The following CEP350 variants were observed in gnomAD, a reference collection of about 807,000 sequenced individuals.
CEP350 encodes centrosome-associated protein 350.
In CEP350, 126 loss-of-function variants were observed where a neutral mutation model predicts 331.8. The observed-to-expected ratio is 0.38, with a 90% CI of 0.33 to 0.44. The LOEUF (loss-of-function observed/expected upper bound fraction) is 0.44, where lower values mean the gene tolerates loss of function less well. Ranked by LOEUF, CEP350 falls within the 20% of genes least tolerant of loss-of-function variation. CEP350 has a pLI of 1.00. For missense variants in CEP350, 3,406 were observed against 3,634.6 expected, an observed-to-expected ratio of 0.94 and a Z score of 1.62; for synonymous variants, 1,200 against 1,259.5, an observed-to-expected ratio of 0.95 and a Z score of 1.00.
chr1:180,096,121 A>T lies in CEP350; in HGVS notation c.9003A>T (p.Pro3001=). The T allele has an allele frequency of 6.4e-7, 1 of 1,565,582 alleles. No homozygotes were observed. The part of the protein sequence containing the change: ...PNLNQPVWMK[P]CRINSSYFRR... Reference sequence around the variant, plus strand: ...TAAATCAACCTGTCTGGATGAAGCCATGTAGAATCAACTCTAGTTATTTCC... The same window carrying T: ...TAAATCAACCTGTCTGGATGAAGCCTTGTAGAATCAACTCTAGTTATTTCC... Residue 3001 remains proline (P), a synonymous_variant, in exon 36 of 38, where the codon CCA becomes CCT. Transcript: ENST00000367607.
chr1:180,098,777 T>G (rs1349186787), intron 36 of CEP350, 86 bp from the exon 37 acceptor site: 1 of 1,044,028 alleles, frequency 9.6e-7, no homozygotes, highest in African/African-American at 1.6e-5. Context: ...TATATTCTTA[T>G]CGTGAATCTG....
At position 180,051,697 on chromosome 1, in the gene CEP350, T is replaced by C. The variant is rs537107792; in HGVS notation, c.4793-1273T>C. On this transcript the variant is annotated intron_variant, in intron 22 of 37. Transcript: ENST00000367607. ...CCTGCAATAAATGGATCTAACTGTG[T>C]TACAGATACATGGCATAACAACATT... Among the ~76,000 whole-genome samples, 114 of 152,324 alleles carry C rather than the reference T, an allele frequency of 7.5e-4. 2 individuals carry two copies. The highest frequency in any genetic ancestry group is 2.6e-3 in the African/African-American group (109 of 41,576).
At chr1:180,082,282 A>G (rs1659619904) in intron 30 of CEP350, among the ~76,000 whole-genome samples, 1 of 152,250 alleles carries the variant, frequency 6.6e-6, no homozygotes, top group Non-Finnish European at 1.5e-5. Flanking sequence ...TTCACTACCT[A>G]TTCAAGATGA....
At chr1:179,978,569 CT>C (rs1652049568) in intron 1 of CEP350, among the ~76,000 whole-genome samples, 1 of 152,066 alleles carries the variant, frequency 6.6e-6, no homozygotes, top group African/African-American at 2.4e-5. Flanking sequence ...CTACTAACCT[CT>C]GTTCTACTTT....
At chr1:180,050,122 G>A (rs544279208) in intron 22 of CEP350, among the ~76,000 whole-genome samples, 20 of 152,126 alleles carry the variant, frequency 1.3e-4, no homozygotes, top group Non-Finnish European at 2.5e-4. Flanking sequence ...CCTTAACCTC[G>A]TATGTAGAAG....
intron 11 of CEP350, among the ~76,000 whole-genome samples, chr1:180,017,950 T>G (rs1443333039): frequency 6.6e-6 from 1 of 152,224 alleles, no homozygotes; most frequent in Non-Finnish European, 1.5e-5. Flanking sequence ...ATTTTAGCTG[T>G]TTGTTTGTCA....
chr1:179,987,272 C>G lies in CEP350; in HGVS notation c.106C>G (p.Gln36Glu), dbSNP rs1441672360. Residue 36 changes from glutamine to glutamate, a missense_variant, in exon 3 of 38, where the codon CAA becomes GAA. Transcript: ENST00000367607. ...AACCACATCGTGGGATGCACTTTCTCAAACCAAGGCTGCTGTAAGTAGTTT... is the reference window on the plus strand; with the variant it reads ...AACCACATCGTGGGATGCACTTTCTGAAACCAAGGCTGCTGTAAGTAGTTT... ...DITTSWDALS[Q>E]TKAALRHIEN... 11 of 1,561,334 alleles carry G rather than the reference C, an allele frequency of 7.0e-6. No individual in the cohort carries two copies. Among genetic ancestry groups the G allele is most frequent in the Non-Finnish European group, 9.7e-6 (11 of 1,138,140 alleles).
rs751696185 is a variant in CEP350, at chr1:180,003,245, A to T, written c.1090A>T (p.Met364Leu). 6.2e-7 allele frequency: 1 copy of T among 1,613,202 alleles called. No homozygotes were observed. The highest frequency in any genetic ancestry group is 1.1e-5 in the South Asian group (1 of 90,878). ...KVWQEAEFQN[M>L]SRELYRDLAL... ...GTGGCAGGAGGCTGAGTTTCAAAACATGAGTAGAGAACTGTATCGAGATTT... is the reference window on the plus strand; with the variant it reads ...GTGGCAGGAGGCTGAGTTTCAAAACTTGAGTAGAGAACTGTATCGAGATTT... Residue 364 changes from methionine (M) to leucine (L), a missense_variant, in exon 7 of 38, where the codon ATG (methionine) becomes TTG (leucine). Physicochemically the swap from Met to Leu is conservative, Grantham distance 15 (BLOSUM62 2). Around this residue, in one of 5 missense-constraint regions of CEP350, gnomAD observed 1,857 missense variants for 1,909.2 expected, o/e 0.97. Coordinates refer to ENST00000367607, the MANE Select transcript of CEP350 (RefSeq NM_014810.5).
chr1:180,083,629 A>G (rs1432182670), intron 30 of CEP350, among the ~76,000 whole-genome samples: 1 of 152,250 alleles, frequency 6.6e-6, no homozygotes, highest in African/African-American at 2.4e-5. Context: ...AAGGCAAAAG[A>G]CAGTTAAATA....
intron 37 of CEP350, among the ~76,000 whole-genome samples, chr1:180,100,356 A>C (rs1035647363): frequency 1.1e-4 from 17 of 152,346 alleles, no homozygotes; most frequent in East Asian, 3.9e-4. Flanking sequence ...TTGTTCTCCT[A>C]TTTCTATCAT....
chr1:180,043,802 G>A (rs1033485327), intron 20 of CEP350, among the ~76,000 whole-genome samples: 1 of 128,054 alleles, frequency 7.8e-6, no homozygotes, highest in Admixed American at 8.2e-5. Flanking sequence ...GTGTGTGTGT[G>A]TGTTTTCTTA....
At chr1:180,031,075 G>C (rs1655994130) in intron 14 of CEP350, among the ~76,000 whole-genome samples, 1 of 151,746 alleles carries the variant, frequency 6.6e-6, no homozygotes. Context: ...TATTACTATT[G>C]CACTAAGAAT....
chr1:180,101,888 G>A (rs1660836783), intron 37 of CEP350, among the ~76,000 whole-genome samples: 1 of 152,180 alleles, frequency 6.6e-6, no homozygotes, highest in Admixed American at 6.5e-5. Flanking sequence ...TGGGAAAGGG[G>A]CACAGAACTT....
chr1:180,098,966 A>G lies in CEP350; in HGVS notation c.9170A>G (p.Asp3057Gly). 1 of 1,613,632 alleles carries G rather than the reference A, an allele frequency of 6.2e-7. No individual in the cohort carries two copies. The highest frequency in any genetic ancestry group is 8.5e-7 in the Non-Finnish European group (1 of 1,179,756). ...ATGAAATTTGGAAGAAAGAAAAGAG[A>G]CCGAGTGGATCATATCCTGGTCAGT... ...KMMKFGRKKR[D>G]RVDHILVQEL... Residue 3057 changes from aspartate to glycine, a missense_variant, in exon 37 of 38, where the codon GAC becomes GGC. Physicochemically the swap from Asp to Gly is moderately conservative, Grantham distance 94. Coordinates refer to ENST00000367607, the MANE Select transcript of CEP350 (RefSeq NM_014810.5).
intron 1 of CEP350, among the ~76,000 whole-genome samples, chr1:179,972,330 A>G (rs747233059): frequency 6.6e-6 from 1 of 152,126 alleles, no homozygotes; most frequent in Non-Finnish European, 1.5e-5. Flanking sequence ...TTTAAAAGGC[A>G]TATGGAGAAA....
chr1:180,104,590 T>A (rs571577371), intron 37 of CEP350, among the ~76,000 whole-genome samples: 11 of 152,290 alleles, frequency 7.2e-5, no homozygotes, highest in East Asian at 1.9e-4. Flanking sequence ...GTGTCCAGTC[T>A]TGTCTTTACC....
intron 1 of CEP350, among the ~76,000 whole-genome samples, chr1:179,979,920 G>C (rs976404391): frequency 1.3e-5 from 2 of 152,086 alleles, no homozygotes; most frequent in African/African-American, 4.8e-5. Flanking sequence ...GTACTATGCT[G>C]TTTTGGTTAC....
At chr1:179,989,596 T>A (rs1253776904) in intron 3 of CEP350, among the ~76,000 whole-genome samples, 1 of 152,208 alleles carries the variant, frequency 6.6e-6, no homozygotes, top group Non-Finnish European at 1.5e-5. Flanking sequence ...GTTTTCCTAG[T>A]TTTTTGTTGT....
chr1:180,009,360 T>C (rs577948908), intron 8 of CEP350, among the ~76,000 whole-genome samples: 1 of 152,234 alleles, frequency 6.6e-6, no homozygotes, highest in Non-Finnish European at 1.5e-5. Flanking sequence ...TATGTAATAC[T>C]GTTGTCAGAA....
Sources: allele counts gnomAD v4.1 joint callset (sites outside exome capture counted in the v4.1 genomes callset), GRCh38; gene constraint gnomAD v4.1.1; regional missense constraint gnomAD v4.1.1; transcripts MANE v1.5; gene names NCBI Gene and HGNC (gene_info 2026-07-23, HGNC 2026-07-21).